The following BNC2 variants were observed in gnomAD, a reference collection of about 807,000 sequenced individuals.
BNC2 encodes zinc finger protein basonuclin-2.
In BNC2, 20 loss-of-function variants were observed where a neutral mutation model predicts 76.3. That is an observed-to-expected ratio of 0.26 (90% CI 0.18 to 0.38). The LOEUF (loss-of-function observed/expected upper bound fraction) is 0.38. Ranked by LOEUF, BNC2 falls within the 10% of genes least tolerant of loss-of-function variation. The pLI is 1.00. For synonymous variants in BNC2, 582 were observed against 514.8 expected (o/e 1.13, Z -1.77); for missense variants, 1,382 against 1,399.8 (o/e 0.99, Z 0.20).
At chr9:16,863,717 G>C (rs777720010) in intron 1 of BNC2, among the ~76,000 whole-genome samples, 31 of 152,010 alleles carry the variant, frequency 2.0e-4, no homozygotes, top group Non-Finnish European at 3.4e-4. Flanking sequence ...AACAGAGAAA[G>C]TACAACTGTT....
intron 5 of BNC2, among the ~76,000 whole-genome samples, chr9:16,513,480 G>C (rs983930430): frequency 6.6e-6 from 1 of 151,734 alleles, no homozygotes; most frequent in African/African-American, 2.4e-5. Context: ...CTAATTTTTT[G>C]TATTTTTAGT....
chr9:16,580,468 G>C (rs1819602972), intron 4 of BNC2, among the ~76,000 whole-genome samples: 1 of 152,194 alleles, frequency 6.6e-6, no homozygotes. Flanking sequence ...AGTAGAAAAA[G>C]CACAGTCTGG....
intron 3 of BNC2, among the ~76,000 whole-genome samples, chr9:16,648,928 T>C (rs1038517418): frequency 2.0e-5 from 3 of 152,194 alleles, no homozygotes. Context: ...AAAATATAGT[T>C]TGAGTCAATC....
Position 16,738,429 on chromosome 9 carries a change from C to G in BNC2, c.60G>C (p.Arg20Ser), listed in dbSNP as rs1344217950. ...PHSLNYKSED[R>S]LSEQDWPAYF... ...ATGCTGGCCAGTCTTGCTCACTAAG[C>G]CTGTCCTCTGATTTGTAATTAAGGC... The change falls in exon 2 of 7, where the codon AGG becomes AGC. Residue 20 changes from arginine to serine, a missense_variant. Coordinates refer to ENST00000380672, the MANE Select transcript of BNC2 (RefSeq NM_017637.6). 2.5e-6 allele frequency: 4 copies of G among 1,614,020 alleles called. No homozygotes were observed. Among genetic ancestry groups the G allele is most frequent in the African/African-American group, 1.3e-5 (1 of 75,048 alleles).
intron 5 of BNC2, among the ~76,000 whole-genome samples, chr9:16,467,547 T>C (rs1290453801): frequency 9.3e-5 from 12 of 129,384 alleles, no homozygotes; most frequent in African/African-American, 3.3e-4. Context: ...ATGGATGAAA[T>C]TGGAAACCAT....
At chr9:16,626,931 G>A (rs986147417) in intron 3 of BNC2, among the ~76,000 whole-genome samples, 13 of 152,078 alleles carry the variant, frequency 8.5e-5, no homozygotes, top group African/African-American at 2.7e-4. Flanking sequence ...AATACCTGCC[G>A]CTTGTTTACC....
At chr9:16,487,913 C>A (rs1183946612) in intron 5 of BNC2, among the ~76,000 whole-genome samples, 3 of 152,168 alleles carry the variant, frequency 2.0e-5, no homozygotes, top group African/African-American at 7.2e-5. Flanking sequence ...GGATATTTTA[C>A]CATAGATGGT....
At chr9:16,821,233 CAAA>C (rs71491694) in intron 1 of BNC2, among the ~76,000 whole-genome samples, 2 of 112,672 alleles carry the variant, frequency 1.8e-5, no homozygotes, top group African/African-American at 3.6e-5. Context: ...AACTCCGTCT[CAAA>C]AAAAAAAAAA....
rs746686639 is a variant in BNC2 at position 16,647,406 on chromosome 9, TAGAC to T, written c.331-64325_331-64322del. ...GAGACCACAGGAAGAATAACATCCT[TAGAC>T]AGACTTTGACAGAGGCCGACCTGGT... On this transcript the variant is annotated intron_variant, in intron 3 of 6. Transcript: ENST00000380672. 1.2e-4 allele frequency among the ~76,000 whole-genome samples: 18 copies of T among 152,248 alleles called. No individual in the cohort carries two copies. In the South Asian group the frequency reaches 3.5e-3, roughly 30 times the overall value.
intron 1 of BNC2, among the ~76,000 whole-genome samples, chr9:16,788,064 T>C (rs1586884260): frequency 2.0e-5 from 3 of 152,248 alleles, no homozygotes; most frequent in Admixed American, 2.0e-4. Context: ...TCCAGAAAAC[T>C]CCTTCTGGTG....
intron 3 of BNC2, among the ~76,000 whole-genome samples, chr9:16,681,344 G>C (rs188493049): frequency 6.6e-6 from 1 of 152,198 alleles, no homozygotes; most frequent in African/African-American, 2.4e-5. Context: ...GGAAAAAGGA[G>C]CTGAATAAAC....
chr9:16,479,793 G>T (rs1256260234), intron 5 of BNC2, among the ~76,000 whole-genome samples: 1 of 152,066 alleles, frequency 6.6e-6, no homozygotes, highest in Admixed American at 6.5e-5. Context: ...TGCACGTTGG[G>T]TAAAATATTT....
At chr9:16,590,903 C>G (rs184328877) in intron 3 of BNC2, among the ~76,000 whole-genome samples, 1 of 152,042 alleles carries the variant, frequency 6.6e-6, no homozygotes, top group Non-Finnish European at 1.5e-5. Context: ...TCCAGGATTG[C>G]CATAGAATAC....
chr9:16,845,074 G>A (rs1301785439), intron 1 of BNC2, among the ~76,000 whole-genome samples: 1 of 152,076 alleles, frequency 6.6e-6, no homozygotes, highest in Admixed American at 6.5e-5. Context: ...ACTTCACAGC[G>A]AACTGATGAG....
In BNC2 at chr9:16,530,234, T is replaced by C. The variant is rs539532454; in HGVS notation, c.669+22296A>G. ...CAGGCATGAACTACTGAAGCGGCAT[T>C]ACTGTTCACCCTGCCCTTTACGAAA... On this transcript the variant is annotated intron_variant, in intron 5 of 6. Coordinates refer to ENST00000380672, the MANE Select transcript of BNC2 (RefSeq NM_017637.6). 2.6e-5 allele frequency among the ~76,000 whole-genome samples: 4 copies of C among 152,292 alleles called. No individual in the cohort carries two copies. The South Asian group carries it at 8.3e-4, about 32-fold the overall frequency.
intron 5 of BNC2, among the ~76,000 whole-genome samples, chr9:16,471,436 G>C (rs572857060): frequency 6.6e-6 from 1 of 152,130 alleles, no homozygotes; most frequent in South Asian, 2.1e-4. Flanking sequence ...TGGGACTACA[G>C]GCATGCACCA....
rs547929388 is a variant in BNC2 at position 16,786,591 on chromosome 9, G to A, written c.4-48106C>T. Among the ~76,000 whole-genome samples the A allele has an allele frequency of 1.9e-3, 285 of 152,162 alleles. 2 individuals are homozygous for A. The highest frequency in any genetic ancestry group is 0.016 in the South Asian group (76 of 4,808). Reference sequence around the variant, plus strand: ...TGAAATGTAAACCCTTTTCTGTCCCGGATACCATATAATCAGGGTTCCATG... The same window carrying A: ...TGAAATGTAAACCCTTTTCTGTCCCAGATACCATATAATCAGGGTTCCATG... On this transcript the variant is annotated intron_variant, in intron 1 of 6. Coordinates refer to ENST00000380672, the MANE Select transcript of BNC2 (RefSeq NM_017637.6).
At chr9:16,678,797 A>AGG (rs1351096799) in intron 3 of BNC2, among the ~76,000 whole-genome samples, 1 of 152,200 alleles carries the variant, frequency 6.6e-6, no homozygotes, top group Non-Finnish European at 1.5e-5. Context: ...AAAAACTCAG[A>AGG]GTTGTCCTGA....
At position 16,741,571 on chromosome 9, in the gene BNC2, A is replaced by T. The variant is rs77951592; in HGVS notation, c.4-3086T>A. The stretch of plus-strand genomic sequence containing the variant: ...AATAATAAACAAGCTGACTGGGTCC[A>T]AGAAAGTATAGCTCAGAGTTCCCAG... On this transcript the variant is annotated intron_variant, in intron 1 of 6. Coordinates refer to ENST00000380672, the MANE Select transcript of BNC2 (RefSeq NM_017637.6). Among the ~76,000 whole-genome samples the T allele has an allele frequency of 3.5e-4, 53 of 152,360 alleles. No individual in the cohort carries two copies. In the East Asian group the frequency reaches 9.6e-3, roughly 28 times the overall value.
Sources: gnomAD v4.1 joint callset for allele counts (sites outside exome capture counted in the v4.1 genomes callset) on GRCh38, gnomAD v4.1.1 for gene constraint, MANE v1.5 for transcripts, NCBI Gene and HGNC (gene_info 2026-07-23, HGNC 2026-07-21) for gene names.